SMYD3: variants seen among roughly 807,000 people sequenced by gnomAD.
The protein encoded by SMYD3 is histone-lysine N-methyltransferase SMYD3.
In SMYD3, 36 loss-of-function variants were observed where a neutral mutation model predicts 57.7. That is an observed-to-expected ratio of 0.62 (90% CI 0.48 to 0.82). The LOEUF is 0.82. Among genes scored for constraint, SMYD3 ranks in the 40% least tolerant of loss-of-function variants. SMYD3 has a pLI of 0.00. For synonymous variants in SMYD3, 211 were observed against 195.0 expected (o/e 1.08, Z -0.68); for missense variants, 515 against 538.8 (o/e 0.96, Z 0.44).
intron 5 of SMYD3, among the ~76,000 whole-genome samples, chr1:246,091,222 G>C (rs2060818082): frequency 1.3e-5 from 2 of 152,158 alleles, no homozygotes; most frequent in African/African-American, 4.8e-5. Flanking sequence ...CTTTCATGAA[G>C]GACTTAGCCA....
chr1:246,362,226 C>T (rs1276773116), intron 1 of SMYD3, among the ~76,000 whole-genome samples: 2 of 152,236 alleles, frequency 1.3e-5, no homozygotes, highest in South Asian at 2.1e-4. Flanking sequence ...TTCAAATATA[C>T]AAATTTTGTC....
chr1:246,074,986 A>G (rs1298957294), intron 5 of SMYD3, among the ~76,000 whole-genome samples: 1 of 151,992 alleles, frequency 6.6e-6, no homozygotes, highest in Non-Finnish European at 1.5e-5. Context: ...GAAACCTATA[A>G]CATATTAAAA....
chr1:246,219,720 G>A (rs1000104001), intron 5 of SMYD3, among the ~76,000 whole-genome samples: 2 of 152,140 alleles, frequency 1.3e-5, no homozygotes, highest in African/African-American at 2.4e-5. Context: ...TGGGGCTTTC[G>A]TGGTCACAGG....
chr1:246,439,442 G>A (rs376319420), intron 1 of SMYD3, among the ~76,000 whole-genome samples: 87 of 152,244 alleles, frequency 5.7e-4, no homozygotes, highest in African/African-American at 2.0e-3. Context: ...CAATGACATG[G>A]CCCATTTTTT....
In SMYD3 at chr1:246,481,394, G is replaced by C. The variant is rs544748798; in HGVS notation, c.164+25660C>G. Reference sequence around the variant, plus strand: ...TGTTAGTAGATATCATCCAACCTGTGAGGGCCCAATTAGAACAAAAGAATG... The same window carrying C: ...TGTTAGTAGATATCATCCAACCTGTCAGGGCCCAATTAGAACAAAAGAATG... On this transcript the variant is annotated intron_variant, in intron 1 of 11. Transcript: ENST00000490107. 2.6e-5 allele frequency among the ~76,000 whole-genome samples: 4 copies of C among 151,276 alleles called. No homozygotes were observed. In the South Asian group the frequency reaches 6.3e-4, roughly 24 times the overall value.
At chr1:245,771,176 G>A (rs982392909) in intron 10 of SMYD3, among the ~76,000 whole-genome samples, 5 of 151,566 alleles carry the variant, frequency 3.3e-5, no homozygotes, top group African/African-American at 9.7e-5. Flanking sequence ...CTGTAATGGC[G>A]GAACATTTTC....
At chr1:246,088,311 T>G (rs982153386) in intron 5 of SMYD3, among the ~76,000 whole-genome samples, 1 of 151,980 alleles carries the variant, frequency 6.6e-6, no homozygotes, top group African/African-American at 2.4e-5. Flanking sequence ...GTTCTCAATT[T>G]CCCATTTCTC....
chr1:246,498,403 T>C (rs985041737), intron 1 of SMYD3, among the ~76,000 whole-genome samples: 3 of 152,082 alleles, frequency 2.0e-5, no homozygotes, highest in African/African-American at 7.2e-5. Context: ...GACACAAAGA[T>C]AATGAAGCAA....
At position 246,086,392 on chromosome 1, in the gene SMYD3, A is replaced by T. The variant is rs193108884; in HGVS notation, c.532-156455T>A. 4.6e-5 allele frequency among the ~76,000 whole-genome samples: 7 copies of T among 152,286 alleles called. No homozygotes were observed. The East Asian group carries it at 1.4e-3, about 29-fold the overall frequency. On this transcript the variant is annotated intron_variant, in intron 5 of 11. Coordinates refer to ENST00000490107, the MANE Select transcript of SMYD3 (RefSeq NM_001167740.2). ...AAATGTTTGTATCTGTGCATGAGTC[A>T]GTCTGAGACTTGCTTTTATTACAAC...
At position 246,375,946 on chromosome 1, in the gene SMYD3, T is replaced by C. The variant is rs925129782; in HGVS notation, c.165-20852A>G. Among the ~76,000 whole-genome samples, 74 of 151,478 alleles carry C rather than the reference T, an allele frequency of 4.9e-4. 2 individuals are homozygous for C. Among genetic ancestry groups the C allele is most frequent in the Non-Finnish European group, 8.8e-5 (6 of 67,888 alleles). ...GGTTTCACCATGTTGGCCAGGCTGG[T>C]CTCAAGCTCCTGACCTTAAGTGGTC... On this transcript the variant is annotated intron_variant, in intron 1 of 11. Coordinates refer to ENST00000490107, the MANE Select transcript of SMYD3 (RefSeq NM_001167740.2).
intron 5 of SMYD3, among the ~76,000 whole-genome samples, chr1:246,125,165 G>T (rs1469422930): frequency 2.0e-5 from 3 of 151,764 alleles, no homozygotes; most frequent in Non-Finnish European, 4.4e-5. Flanking sequence ...TTACTACATT[G>T]GTAAAGATGT....
chr1:246,245,121 T>A lies in SMYD3; in HGVS notation c.531+82080A>T, dbSNP rs974193413. On this transcript the variant is annotated intron_variant, in intron 5 of 11. Coordinates refer to ENST00000490107, the MANE Select transcript of SMYD3 (RefSeq NM_001167740.2). Reference sequence around the variant, plus strand: ...CTAAAAGAATTCAGCAGCTACTGCCTTTTTTTTTTTTTTTTTTTTTAGTTT... The same window carrying A: ...CTAAAAGAATTCAGCAGCTACTGCCATTTTTTTTTTTTTTTTTTTTAGTTT... 1.9e-4 allele frequency among the ~76,000 whole-genome samples: 3 copies of A among 15,896 alleles called. No individual in the cohort carries two copies. The South Asian group carries it at 0.015, about 80-fold the overall frequency. The allele number at this position is 15,896 out of a possible 152,430, so 10.4% of individuals were successfully genotyped here. A position where few individuals can be genotyped will look rare whatever the true frequency, so the allele number is the denominator to read the frequency against.
intron 1 of SMYD3, among the ~76,000 whole-genome samples, chr1:246,489,284 T>C (rs925858329): frequency 6.6e-6 from 1 of 151,756 alleles, no homozygotes; most frequent in Admixed American, 6.6e-5. Flanking sequence ...AGGCGGAGGC[T>C]GAGGTTGCAG....
At chr1:246,226,992 C>T (rs188634890) in intron 5 of SMYD3, among the ~76,000 whole-genome samples, 52 of 151,840 alleles carry the variant, frequency 3.4e-4, no homozygotes, top group African/African-American at 1.1e-3. Flanking sequence ...TTTATTCTCC[C>T]TAATTTTAAT....
chr1:246,011,482 T>C (rs1464822337), intron 5 of SMYD3, among the ~76,000 whole-genome samples: 1 of 152,216 alleles, frequency 6.6e-6, no homozygotes, highest in Non-Finnish European at 1.5e-5. Flanking sequence ...GTTTGGCCTA[T>C]GTGCCTGTAA....
intron 5 of SMYD3, among the ~76,000 whole-genome samples, chr1:246,213,565 A>G (rs538934183): frequency 6.6e-6 from 1 of 152,304 alleles, no homozygotes; most frequent in Admixed American, 6.5e-5. Context: ...CAAGTTTGCT[A>G]GAACAAGGGC....
At chr1:246,158,123 C>T (rs1249389989) in intron 5 of SMYD3, among the ~76,000 whole-genome samples, 1 of 152,138 alleles carries the variant, frequency 6.6e-6, no homozygotes, top group Admixed American at 6.6e-5. Flanking sequence ...GATCCACAGT[C>T]GAGGGTATGA....
At chr1:245,804,413 T>C (rs2048038107) in intron 10 of SMYD3, among the ~76,000 whole-genome samples, 1 of 151,866 alleles carries the variant, frequency 6.6e-6, no homozygotes, top group South Asian at 2.1e-4. Context: ...AAACCCCATC[T>C]CTACTAAAAA....
chr1:246,253,968 A>C (rs549610819), intron 5 of SMYD3, among the ~76,000 whole-genome samples: 1 of 152,296 alleles, frequency 6.6e-6, no homozygotes, highest in South Asian at 2.1e-4. Flanking sequence ...TCCCATCCAC[A>C]TAAGTACTCC....
Sources: allele counts gnomAD v4.1 joint callset (sites outside exome capture counted in the v4.1 genomes callset), GRCh38; gene constraint gnomAD v4.1.1; transcripts MANE v1.5; gene names NCBI Gene and HGNC (gene_info 2026-07-23, HGNC 2026-07-21).